Variants in DSCAM observed in about 807,000 individuals in gnomAD.
The protein encoded by DSCAM is cell adhesion molecule DSCAM.
A neutral mutation model predicts 217.7 loss-of-function variants in DSCAM; 47 were observed. The ratio of observed to expected loss-of-function variants is 0.22; its 90% CI spans 0.17 to 0.28. The LOEUF (loss-of-function observed/expected upper bound fraction) is 0.28, where lower values mean the gene tolerates loss of function less well. DSCAM is among the 10% of genes least tolerant of loss of function. The pLI is 1.00. For missense variants in DSCAM, 2,080 were observed against 2,618.3 expected (o/e 0.79, Z 4.49); for synonymous variants, 1,056 against 1,015.3 (o/e 1.04, Z -0.76).
chr21:40,784,447 C>A (rs887526562), intron 1 of DSCAM, among the ~76,000 whole-genome samples: 7 of 152,156 alleles, frequency 4.6e-5, no homozygotes, highest in African/African-American at 1.7e-4. Flanking sequence ...TATAAACTAC[C>A]CAGTCTCAGG....
chr21:40,259,276 C>CTCT (rs60746502), intron 11 of DSCAM, among the ~76,000 whole-genome samples: 3,654 of 119,690 alleles, frequency 0.031, 101 homozygotes, highest in South Asian at 0.13. Flanking sequence ...TTAATGAACT[C>CTCT]TTTTTTTTTT....
chr21:40,515,040 A>G (rs2076289036), intron 3 of DSCAM, among the ~76,000 whole-genome samples: 1 of 152,332 alleles, frequency 6.6e-6, no homozygotes, highest in Middle Eastern at 3.4e-3. Context: ...GGCACTGCTT[A>G]AAAATATTGG....
At chr21:40,425,748 A>C (rs1466522169) in intron 3 of DSCAM, among the ~76,000 whole-genome samples, 1 of 149,834 alleles carries the variant, frequency 6.7e-6, no homozygotes, top group African/African-American at 2.4e-5. Flanking sequence ...TTTCTGTTTT[A>C]GTATAATTCT....
chr21:40,354,268 T>A (rs923831226), intron 4 of DSCAM, among the ~76,000 whole-genome samples: 20 of 152,188 alleles, frequency 1.3e-4, no homozygotes, highest in African/African-American at 4.8e-4. Flanking sequence ...ATATCCCAAG[T>A]ACACTGATTT....
At chr21:40,137,538 C>T (rs550679880) in intron 18 of DSCAM, among the ~76,000 whole-genome samples, 40 of 151,442 alleles carry the variant, frequency 2.6e-4, no homozygotes, top group Middle Eastern at 3.4e-3. Flanking sequence ...AACGCTTTTT[C>T]TTTTTAAACA....
Position 40,087,261 on chromosome 21 carries a change from C to A in DSCAM, c.3877G>T (p.Gly1293Trp). 6.2e-7 allele frequency: 1 copy of A among 1,614,112 alleles called. No homozygotes were observed. Among genetic ancestry groups the A allele is most frequent in the Middle Eastern group, 1.7e-4 (1 of 6,060 alleles). The change falls in exon 22 of 33, where the codon GGG (glycine) becomes TGG (tryptophan). Residue 1293 changes from glycine to tryptophan, a missense_variant. Around this residue, in one of 5 missense-constraint regions of DSCAM, gnomAD observed 1,144 missense variants for 1,421.1 expected, o/e 0.81. Coordinates refer to ENST00000400454, the MANE Select transcript of DSCAM (RefSeq NM_001389.5). ...TTCATCCATGGAGTAGTCACTGTCC[C>A]ACTGAAGGTCAGGATTCGTGCAGGA... ...KAPARILTFS[G>W]TVTTPWMKDI...
chr21:40,596,854 A>G (rs1341010341), intron 3 of DSCAM, among the ~76,000 whole-genome samples: 1 of 150,756 alleles, frequency 6.6e-6, no homozygotes, highest in Non-Finnish European at 1.5e-5. Context: ...CAGTTTCCTC[A>G]TTTTACAAAT....
At chr21:40,636,223 T>C (rs750579738) in intron 3 of DSCAM, among the ~76,000 whole-genome samples, 2 of 152,024 alleles carry the variant, frequency 1.3e-5, no homozygotes, top group Admixed American at 1.3e-4. Context: ...ATGCATAAGA[T>C]GCACGTGGTT....
chr21:40,576,976 C>A (rs1276898158), intron 3 of DSCAM, among the ~76,000 whole-genome samples: 1 of 149,748 alleles, frequency 6.7e-6, no homozygotes, highest in African/African-American at 2.5e-5. Flanking sequence ...GCACATGTAC[C>A]CTAAAAGTAT....
At chr21:40,726,496 A>G (rs1232632889) in intron 1 of DSCAM, among the ~76,000 whole-genome samples, 1 of 152,178 alleles carries the variant, frequency 6.6e-6, no homozygotes, top group African/African-American at 2.4e-5. Context: ...ATTTCAGTGT[A>G]AAAAGATAAC....
At chr21:40,028,504 C>CAG (rs2088438162) in intron 32 of DSCAM, among the ~76,000 whole-genome samples, 1 of 151,904 alleles carries the variant, frequency 6.6e-6, no homozygotes, top group Admixed American at 6.6e-5. Context: ...CAGCGAGACT[C>CAG]CATGGGCGTA....
chr21:40,435,552 A>G (rs1455875748), intron 3 of DSCAM, among the ~76,000 whole-genome samples: 1 of 151,974 alleles, frequency 6.6e-6, no homozygotes, highest in Non-Finnish European at 1.5e-5. Flanking sequence ...CTACCAAAAA[A>G]AAAAAAAAGC....
intron 3 of DSCAM, among the ~76,000 whole-genome samples, chr21:40,498,728 GGT>G (rs1227483380): frequency 0.016 from 215 of 13,272 alleles, 15 homozygotes; most frequent in South Asian, 0.063. Flanking sequence ...TATATATATG[GGT>G]GTGTGTATAT....
chr21:40,252,001 A>G (rs991838312), intron 11 of DSCAM, among the ~76,000 whole-genome samples: 2 of 152,176 alleles, frequency 1.3e-5, no homozygotes, highest in African/African-American at 4.8e-5. Flanking sequence ...TCCTGACAAC[A>G]ATTACATGAA....
At chr21:40,607,732 C>T (rs191901408) in intron 3 of DSCAM, among the ~76,000 whole-genome samples, 103 of 152,244 alleles carry the variant, frequency 6.8e-4, no homozygotes, top group Non-Finnish European at 3.8e-4. Context: ...CCATGTAAGA[C>T]GTGCCTTTCA....
intron 16 of DSCAM, among the ~76,000 whole-genome samples, chr21:40,157,057 C>A (rs1445226640): frequency 6.6e-6 from 1 of 152,092 alleles, no homozygotes; most frequent in East Asian, 1.9e-4. Flanking sequence ...TCTTAGCTAA[C>A]AACGGTTTCT....
At chr21:40,713,107 A>G (rs1427578864) in intron 1 of DSCAM, among the ~76,000 whole-genome samples, 4 of 152,142 alleles carry the variant, frequency 2.6e-5, no homozygotes, top group African/African-American at 7.2e-5. Flanking sequence ...AACATGGATG[A>G]TCTCACACTT....
chr21:40,254,600 G>A (rs553322220), intron 11 of DSCAM, among the ~76,000 whole-genome samples: 10 of 152,216 alleles, frequency 6.6e-5, no homozygotes, highest in East Asian at 1.9e-4. Context: ...ACTGGTTCAC[G>A]GGGGTGGGTA....
intron 20 of DSCAM, among the ~76,000 whole-genome samples, chr21:40,107,970 G>A (rs975792800): frequency 6.6e-6 from 1 of 152,082 alleles, no homozygotes; most frequent in Non-Finnish European, 1.5e-5. Flanking sequence ...ATCCATTCAT[G>A]TTAAAAACTC....
Sources: gnomAD v4.1 joint callset for allele counts (sites outside exome capture counted in the v4.1 genomes callset) on GRCh38, gnomAD v4.1.1 for gene constraint, gnomAD v4.1.1 regional missense constraint, MANE v1.5 for transcripts, NCBI Gene and HGNC (gene_info 2026-07-23, HGNC 2026-07-21) for gene names.